SUPT6H: variants seen among roughly 807,000 people sequenced by gnomAD.
The protein encoded by SUPT6H is SPT6 homolog, histone chaperone and transcription elongation factor, also known as transcription elongation factor SPT6.
A neutral mutation model predicts 222.3 loss-of-function variants in SUPT6H; 11 were observed. The observed-to-expected ratio is 0.05, with a 90% confidence interval of 0.03 to 0.08. The LOEUF (loss-of-function observed/expected upper bound fraction) is 0.08. Ranked by LOEUF, SUPT6H falls within the 10% of genes least tolerant of loss-of-function variation. The pLI is 1.00. For missense variants in SUPT6H, 1,422 were observed against 2,216.0 expected (o/e 0.64, Z 7.19); for synonymous variants, 762 against 801.2 (o/e 0.95, Z 0.83).
chr17:28,698,288 A>G (rs1348715527), intron 32 of SUPT6H, among the ~76,000 whole-genome samples: 1 of 152,188 alleles, frequency 6.6e-6, no homozygotes, highest in Non-Finnish European at 1.5e-5. Flanking sequence ...CCTCCCACAG[A>G]GTGACAGGAG....
rs2031387493 is a variant in SUPT6H at position 28,686,510 on chromosome 17, T to TTATGGG, written c.2564+95_2564+96insTATGGG. On this transcript the variant is annotated intron_variant, in intron 20 of 36. Transcript: ENST00000314616. Reference sequence around the variant, plus strand: ...ATATGCCCATAACAGATGGGGCTTGTGCTTGTGCAGGGAGTGTCCCTGGGG... The same window carrying TTATGGG: ...ATATGCCCATAACAGATGGGGCTTGTTATGGGGCTTGTGCAGGGAGTGTCCCTGGGG... The TTATGGG allele has an allele frequency of 1.2e-5, 19 of 1,544,510 alleles. No homozygotes were observed. The Admixed American group carries it at 3.3e-4, about 27-fold the overall frequency.
intron 7 of SUPT6H, among the ~76,000 whole-genome samples, 163 bp downstream of exon 7, chr17:28,676,593 C>A (rs1427591377): frequency 6.6e-6 from 1 of 152,202 alleles, no homozygotes; most frequent in Non-Finnish European, 1.5e-5. Flanking sequence ...ATAGACTCTA[C>A]CTTGCTTACG....
chr17:28,689,752 G>A (rs1486154168), intron 25 of SUPT6H, among the ~76,000 whole-genome samples, 191 bp downstream of exon 25: 1 of 152,204 alleles, frequency 6.6e-6, no homozygotes, highest in Admixed American at 6.5e-5. Flanking sequence ...AGCCAGGGAA[G>A]TCTCAGAGAT....
At chr17:28,681,086 G>T (rs1447986808) in intron 11 of SUPT6H, 170 bp from the exon 12 acceptor site, 6 of 688,538 alleles carry the variant, frequency 8.7e-6, no homozygotes, top group Non-Finnish European at 1.4e-5. Flanking sequence ...GCAACAGAGT[G>T]AGACCCTGTC....
At position 28,700,334 on chromosome 17, in the gene SUPT6H, G is replaced by A. The variant is rs1031069378; in HGVS notation, c.4640-12G>A. ...CTCTAACATGCCCCTCCCCACCTCT[G>A]TGTGCTTACAGATCTGACACGGGCT... On this transcript the variant is annotated splice_polypyrimidine_tract_variant and intron_variant, in intron 34 of 36. Coordinates refer to ENST00000314616, the MANE Select transcript of SUPT6H (RefSeq NM_003170.5). 1.9e-6 allele frequency: 3 copies of A among 1,614,120 alleles called. No homozygotes were observed. Among genetic ancestry groups the A allele is most frequent in the Admixed American group, 1.7e-5 (1 of 60,018 alleles).
At chr17:28,698,653 T>C (rs2032020432) in intron 32 of SUPT6H, among the ~76,000 whole-genome samples, 1 of 152,298 alleles carries the variant, frequency 6.6e-6, no homozygotes, top group African/African-American at 2.4e-5. Context: ...CACTTGCTTC[T>C]CTGCCTAAGC....
In SUPT6H at chr17:28,689,629, G is replaced by C; in HGVS notation, c.3342+68G>C. On this transcript the variant is annotated intron_variant, in intron 25 of 36. Transcript: ENST00000314616. ...AGTGGCCAGGTTGGTAGGAGACTTG[G>C]GCAGTGAGTGTGCAGAGAAAGCCTG... is the stretch of plus-strand genomic sequence containing the variant. 3 of 1,459,180 alleles carry C rather than the reference G, an allele frequency of 2.1e-6. No homozygotes were observed. The South Asian group carries it at 3.5e-5, about 17-fold the overall frequency. 90.4% of individuals were successfully genotyped at this position (1,459,180 alleles called of 1,614,324 possible).
At chr17:28,670,690 C>G (rs2030358844) in intron 1 of SUPT6H, among the ~76,000 whole-genome samples, 1 of 152,088 alleles carries the variant, frequency 6.6e-6, no homozygotes, top group South Asian at 2.1e-4. Flanking sequence ...AGTTCAAGAC[C>G]AGCCTGACCA....
rs1487567790 is a variant in SUPT6H at position 28,693,734 on chromosome 17, G to T, written c.3672G>T (p.Gln1224His). 2 of 1,614,210 alleles carry T rather than the reference G, an allele frequency of 1.2e-6. No individual in the cohort carries two copies. The highest frequency in any genetic ancestry group is 4.5e-5 in the East Asian group (2 of 44,886). The change falls in exon 28 of 37, where the codon CAG becomes CAT. Residue 1224 changes from glutamine (Q) to histidine (H), a missense_variant. By Grantham distance (24) the Gln-to-His change is conservative (BLOSUM62 0). Transcript: ENST00000314616. ...TTGACAGCGGTTCGTGCCCAGGCCA[G>T]GCCATCGGTGTCAAAACACGGCTAG... is the stretch of plus-strand genomic sequence containing the variant. ...NHFDSGSCPG[Q>H]AIGVKTRLDN... is the part of the protein sequence containing the mutation.
intron 11 of SUPT6H, 125 bp downstream of exon 11, chr17:28,679,088 T>A: frequency 7.8e-7 from 1 of 1,279,048 alleles, no homozygotes; most frequent in Non-Finnish European, 1.1e-6. Context: ...ATCCAACTTG[T>A]CAACCAGGCA....
rs373655948 is a variant in SUPT6H at position 28,683,606 on chromosome 17, T to C, written c.2034-15T>C. ...TTCTCCATTCCTGACACCATAGCTT[T>C]GTGTCTCTTCTCAGCTATGGCAACG... is the stretch of plus-strand genomic sequence containing the variant. On this transcript the variant is annotated splice_polypyrimidine_tract_variant and intron_variant, in intron 16 of 36. Transcript: ENST00000314616. 2 of 1,611,918 alleles carry C rather than the reference T, an allele frequency of 1.2e-6. No individual in the cohort carries two copies. The highest frequency in any genetic ancestry group is 2.7e-5 in the African/African-American group (2 of 74,880).
chr17:28,677,529 G>A (rs565613539), intron 7 of SUPT6H, among the ~76,000 whole-genome samples, 186 bp from the exon 8 acceptor site: 3 of 151,910 alleles, frequency 2.0e-5, no homozygotes, highest in African/African-American at 7.2e-5. Context: ...TGAGCAACAA[G>A]AGTGAGACAC....
At position 28,674,357 on chromosome 17, in the gene SUPT6H, G is replaced by C; in HGVS notation, c.184G>C (p.Asp62His). 1 of 1,614,148 alleles carries C rather than the reference G, an allele frequency of 6.2e-7. No individual in the cohort carries two copies. Among genetic ancestry groups the C allele is most frequent in the Non-Finnish European group, 8.5e-7 (1 of 1,180,004 alleles). The change falls in exon 3 of 37, where the codon GAT becomes CAT. Residue 62 changes from aspartate to histidine, a missense_variant. Physicochemically the swap from Asp to His is moderately conservative, Grantham distance 81 (BLOSUM62 -1). Around this residue, in one of 13 missense-constraint regions of SUPT6H, gnomAD observed 89 missense variants for 118.9 expected, o/e 0.75. Transcript: ENST00000314616. Reference sequence around the variant, plus strand: ...CTTGAAAGGCTTTATCAATGACGATGATGATGAAGATGAAGGGGAGGAGGA... The same window carrying C: ...CTTGAAAGGCTTTATCAATGACGATCATGATGAAGATGAAGGGGAGGAGGA... ...GNLKGFINDDDDEDEGEEDEG... is the reference protein window; with the variant it reads ...GNLKGFINDDHDEDEGEEDEG...
At chr17:28,686,263 C>G in intron 19 of SUPT6H, 76 bp from the exon 20 acceptor site, 1 of 1,341,170 alleles carries the variant, frequency 7.5e-7, no homozygotes, top group South Asian at 1.2e-5. Flanking sequence ...TACAAGATCT[C>G]CAACATAGGG....
intron 1 of SUPT6H, chr17:28,671,380 T>A (rs1051865648): frequency 6.6e-6 from 1 of 152,246 alleles, no homozygotes; most frequent in African/African-American, 2.4e-5. Flanking sequence ...TTGCCATTTA[T>A]GTTTTCATGA....
chr17:28,688,439 C>G lies in SUPT6H; in HGVS notation c.3134+221C>G, dbSNP rs2031498085. ...CGTGTGAGAGAAACATAAAAAGTAC[C>G]AGCTTAGCTTATAAATTAAGCATGG... On this transcript the variant is annotated intron_variant, in intron 24 of 36. Coordinates refer to ENST00000314616, the MANE Select transcript of SUPT6H (RefSeq NM_003170.5). The surrounding 1 kb of genome is among the most constrained non-coding windows in gnomAD (Gnocchi z 4.3). The G allele has an allele frequency of 2.6e-6, 1 of 390,020 alleles. No individual in the cohort carries two copies. The highest frequency in any genetic ancestry group is 2.1e-5 in the African/African-American group (1 of 47,772). The allele number at this position is 390,020 out of a possible 1,614,324, so 24.2% of individuals were successfully genotyped here.
intron 11 of SUPT6H, among the ~76,000 whole-genome samples, chr17:28,680,901 C>A (rs2031067612): frequency 6.6e-6 from 1 of 152,302 alleles, no homozygotes; most frequent in East Asian, 1.9e-4. Context: ...TCCGCCTTGG[C>A]CTTCCAAAGT....
At chr17:28,665,731 C>G (rs2029974195) in intron 1 of SUPT6H, among the ~76,000 whole-genome samples, 1 of 152,116 alleles carries the variant, frequency 6.6e-6, no homozygotes, top group South Asian at 2.1e-4. Flanking sequence ...CCACTACACT[C>G]CAAGCCTGGG....
chr17:28,690,378 G>A, intron 26 of SUPT6H, 149 bp downstream of exon 26: 1 of 1,020,608 alleles, frequency 9.8e-7, no homozygotes. Flanking sequence ...AAGAGTCCTG[G>A]ACTGGAAATC....
Sources: gnomAD v4.1 joint callset for allele counts (sites outside exome capture counted in the v4.1 genomes callset) on GRCh38, gnomAD v4.1.1 for gene constraint, gnomAD v4.1.1 regional missense constraint, Gnocchi (gnomAD v3.1) non-coding constraint, MANE v1.5 for transcripts, NCBI Gene and HGNC (gene_info 2026-07-23, HGNC 2026-07-21) for gene names.